Variants in ARIH2 observed in about 807,000 individuals in gnomAD.
The protein encoded by ARIH2 is E3 ubiquitin-protein ligase ARIH2.
ARIH2 carries 12 observed loss-of-function variants against 79.8 expected under a neutral mutation model. The observed-to-expected ratio is 0.15, with a 90% CI of 0.10 to 0.24. The LOEUF is 0.24. Among genes scored for constraint, ARIH2 ranks in the 10% least tolerant of loss-of-function variants. The pLI, the probability that ARIH2 is intolerant of heterozygous loss-of-function variation, is 1.00. For missense variants in ARIH2, 301 were observed against 618.3 expected, an observed-to-expected ratio of 0.49 and a Z score of 5.44; for synonymous variants, 224 against 213.9, an observed-to-expected ratio of 1.05 and a Z score of -0.41.
intron 3 of ARIH2, among the ~76,000 whole-genome samples, chr3:48,928,832 T>G (rs190890997): frequency 3.3e-5 from 5 of 152,256 alleles, no homozygotes; most frequent in Admixed American, 2.0e-4. Context: ...CTAAGTTGTT[T>G]TTTTTTTTGT....
rs571100851 is a variant in ARIH2, at chr3:48,986,265, C to G, written c.*2995C>G. On this transcript the variant is annotated 3_prime_UTR_variant, in exon 16 of 16. Transcript: ENST00000356401. Reference sequence around the variant, plus strand: ...GGCATACAGTGGTATGCAAGTGATTCACGTGCTCTAGCTTCCAGGAGCTTC... The same window carrying G: ...GGCATACAGTGGTATGCAAGTGATTGACGTGCTCTAGCTTCCAGGAGCTTC... 1 of 152,228 alleles carries G rather than the reference C, an allele frequency of 6.6e-6. No individual in the cohort carries two copies. Among genetic ancestry groups the G allele is most frequent in the African/African-American group, 2.4e-5 (1 of 41,444 alleles). 9.4% of individuals were successfully genotyped at this position (152,228 alleles called of 1,614,324 possible). A position where few individuals can be genotyped will look rare whatever the true frequency, so the allele number is the denominator to read the frequency against.
intron 5 of ARIH2, among the ~76,000 whole-genome samples, chr3:48,965,198 CA>C (rs35671575): frequency 1.7e-4 from 25 of 147,240 alleles, no homozygotes; most frequent in African/African-American, 2.2e-4. Context: ...ACTAAAAATA[CA>C]AAAAAAAAAA....
At chr3:48,964,039 A>AT (rs1175367561) in intron 4 of ARIH2, among the ~76,000 whole-genome samples, 4 of 150,528 alleles carry the variant, frequency 2.7e-5, no homozygotes, top group East Asian at 1.9e-4. Flanking sequence ...TTTTATTTTT[A>AT]TTTTTTTTAA....
At chr3:48,954,373 C>T (rs943907431) in intron 3 of ARIH2, among the ~76,000 whole-genome samples, 7 of 151,670 alleles carry the variant, frequency 4.6e-5, no homozygotes, top group African/African-American at 1.5e-4. Flanking sequence ...GGAGGCAGAG[C>T]TTGCAGTGAG....
intron 3 of ARIH2, among the ~76,000 whole-genome samples, chr3:48,950,557 T>G (rs1420158051): frequency 6.6e-6 from 1 of 152,212 alleles, no homozygotes; most frequent in Non-Finnish European, 1.5e-5. Context: ...CTATTAATTT[T>G]ATTAAAAAGC....
chr3:48,931,250 C>T (rs994155414), intron 3 of ARIH2, among the ~76,000 whole-genome samples: 1 of 152,070 alleles, frequency 6.6e-6, no homozygotes, highest in Admixed American at 6.6e-5. Flanking sequence ...ACTAATTAAA[C>T]AAAAATTTAT....
At chr3:48,955,471 C>G (rs939899112) in intron 3 of ARIH2, among the ~76,000 whole-genome samples, 4 of 152,094 alleles carry the variant, frequency 2.6e-5, no homozygotes, top group South Asian at 2.1e-4. Context: ...TCCTTCATTA[C>G]AACAGCCCAG....
intron 4 of ARIH2, among the ~76,000 whole-genome samples, chr3:48,964,135 A>T (rs2091546453): frequency 1.3e-5 from 2 of 151,888 alleles, no homozygotes; most frequent in South Asian, 4.2e-4. Context: ...GGTTCAAGCG[A>T]TCCTCCTGCT....
At chr3:48,979,759 T>G in intron 12 of ARIH2, 126 bp downstream of exon 12, 11 of 1,004,412 alleles carry the variant, frequency 1.1e-5, no homozygotes, top group South Asian at 1.6e-5. Context: ...ATGGAGCTCC[T>G]GCAGTATCCC....
At chr3:48,924,423 G>A (rs1454464636) in intron 2 of ARIH2, among the ~76,000 whole-genome samples, 2 of 149,898 alleles carry the variant, frequency 1.3e-5, no homozygotes, top group Non-Finnish European at 3.0e-5. Context: ...GCAGTGGCAC[G>A]ATCTCACTGC....
chr3:48,974,585 G>C, intron 9 of ARIH2: 1 of 581,448 alleles, frequency 1.7e-6, no homozygotes, highest in Non-Finnish European at 3.1e-6. Flanking sequence ...GATGGTGGAA[G>C]ACTTAGTGGG....
At chr3:48,926,349 C>T (rs980626468) in intron 2 of ARIH2, among the ~76,000 whole-genome samples, 3 of 149,736 alleles carry the variant, frequency 2.0e-5, no homozygotes, top group Non-Finnish European at 3.0e-5. Flanking sequence ...CTCACTATAA[C>T]CTCCGCCTCC....
chr3:48,959,719 T>C (rs1409973570), intron 3 of ARIH2, among the ~76,000 whole-genome samples: 1 of 150,678 alleles, frequency 6.6e-6, no homozygotes, highest in Non-Finnish European at 1.5e-5. Flanking sequence ...AGATGCCACT[T>C]ACCTTGGAAG....
intron 1 of ARIH2, chr3:48,922,429 G>C (rs780570361): frequency 2.0e-5 from 3 of 151,636 alleles, no homozygotes; most frequent in Non-Finnish European, 4.4e-5. Context: ...TCAGCCTTCC[G>C]AGTAGCTGGG....
At position 48,983,312 on chromosome 3, in the gene ARIH2, A is replaced by G; in HGVS notation, c.*42A>G. 6.3e-7 allele frequency: 1 copy of G among 1,599,208 alleles called. No individual in the cohort carries two copies. Among genetic ancestry groups the G allele is most frequent in the Non-Finnish European group, 8.6e-7 (1 of 1,167,146 alleles). On this transcript the variant is annotated 3_prime_UTR_variant, in exon 16 of 16. Transcript: ENST00000356401. ...GCCGGGGTGAGGAAGATGTGGCTGC[A>G]AGGTCTCCCGGCTGCCATACTGCAT...
chr3:48,984,364 G>A lies in ARIH2; in HGVS notation c.*1094G>A, dbSNP rs1003919671. On this transcript the variant is annotated 3_prime_UTR_variant, in exon 16 of 16. Transcript: ENST00000356401. ...AAGTTATTTTCATGTTACCTGGAGA[G>A]TGTCCAGAGGCTGCTCTGAGGCTGA... 4 of 152,842 alleles carry A rather than the reference G, an allele frequency of 2.6e-5. No homozygotes were observed. The highest frequency in any genetic ancestry group is 6.5e-5 in the Admixed American group (1 of 15,296). The allele number at this position is 152,842 out of a possible 1,614,324, so 9.5% of individuals were successfully genotyped here.
At chr3:48,933,784 C>T (rs902139241) in intron 3 of ARIH2, among the ~76,000 whole-genome samples, 1 of 151,854 alleles carries the variant, frequency 6.6e-6, no homozygotes, top group African/African-American at 2.4e-5. Flanking sequence ...ATCTCCTGAC[C>T]TCATGATCCA....
chr3:48,942,715 G>A (rs1000051643), intron 3 of ARIH2, among the ~76,000 whole-genome samples: 2 of 146,254 alleles, frequency 1.4e-5, no homozygotes, highest in East Asian at 2.0e-4. Flanking sequence ...GCAATGGCAC[G>A]ATCTCAGCTC....
At chr3:48,959,514 T>C (rs900269175) in intron 3 of ARIH2, among the ~76,000 whole-genome samples, 1 of 150,422 alleles carries the variant, frequency 6.6e-6, no homozygotes, top group African/African-American at 2.4e-5. Flanking sequence ...GCCTAGAGTC[T>C]ATGTGGGCCT....
Sources: gnomAD v4.1 joint callset for allele counts (sites outside exome capture counted in the v4.1 genomes callset) on GRCh38, gnomAD v4.1.1 for gene constraint, MANE v1.5 for transcripts, NCBI Gene and HGNC (gene_info 2026-07-23, HGNC 2026-07-21) for gene names.